The following FAAH2 variants were observed in gnomAD, a reference collection of about 807,000 sequenced individuals.
FAAH2 encodes the protein fatty-acid amide hydrolase 2.
Under a neutral mutation model 36.9 loss-of-function variants are expected in FAAH2, and 60 were observed. That is an observed-to-expected ratio of 1.63 (90% CI 1.32 to 2.02). The LOEUF is 2.02. Among genes scored for constraint, FAAH2 ranks in the 30% most tolerant of loss-of-function variants. The probability of loss-of-function intolerance (pLI) is 0.00; values close to 1 mark genes in which losing one functional copy is unlikely to be tolerated. For synonymous variants in FAAH2, 214 were observed against 143.8 expected (o/e 1.49, Z -3.49); for missense variants, 689 against 397.5 (o/e 1.73, Z -6.23).
intron 7 of FAAH2, among the ~76,000 whole-genome samples, chrX:57,403,908 C>T (rs1468321051): frequency 1.8e-5 from 2 of 112,768 alleles, no homozygotes; most frequent in African/African-American, 3.2e-5. Flanking sequence ...CTTTCTCTAA[C>T]AGAATAGCCC....
At chrX:57,175,668 G>C in the FAAH2 span, among the ~76,000 whole-genome samples, 1 of 111,146 alleles carries the variant, frequency 9.0e-6, no homozygotes, top group Non-Finnish European at 1.9e-5. Flanking sequence ...TAGGCCCTGT[G>C]AGTTTTATAT....
intron 5 of FAAH2, among the ~76,000 whole-genome samples, chrX:57,353,476 C>A: frequency 1.5e-5 from 1 of 68,733 alleles, no homozygotes; most frequent in African/African-American, 5.4e-5. Flanking sequence ...AAACAGAAGA[C>A]CCCAAATTAT....
the FAAH2 span, among the ~76,000 whole-genome samples, chrX:57,238,792 C>T: frequency 1.3e-4 from 15 of 111,272 alleles, no homozygotes; most frequent in African/African-American, 4.6e-4. Context: ...TCCTCATCCT[C>T]CTTCCACCCC....
the FAAH2 span, among the ~76,000 whole-genome samples, chrX:57,171,819 G>A: frequency 8.9e-6 from 1 of 111,777 alleles, no homozygotes; most frequent in African/African-American, 3.3e-5. Flanking sequence ...TGAGGTCTTA[G>A]TCATAATATT....
the FAAH2 span, among the ~76,000 whole-genome samples, chrX:57,177,195 A>C: frequency 1.2e-4 from 13 of 110,190 alleles, no homozygotes; most frequent in Admixed American, 1.3e-3. Context: ...AAATGCGCTG[A>C]TATCTTTTCA....
chrX:57,181,424 T>G, the FAAH2 span, among the ~76,000 whole-genome samples: 3 of 111,067 alleles, frequency 2.7e-5, no homozygotes, highest in African/African-American at 9.8e-5. Context: ...AAAATCGCTA[T>G]CGTTTTAATA....
At chrX:57,480,933 T>C (rs1264909748) in intron 10 of FAAH2, among the ~76,000 whole-genome samples, 1 of 110,216 alleles carries the variant, frequency 9.1e-6, no homozygotes, top group Non-Finnish European at 1.9e-5. Flanking sequence ...CTTTGTTTTT[T>C]TTTCCTTTTC....
chrX:57,471,545 G>C (rs1248152145), intron 10 of FAAH2, among the ~76,000 whole-genome samples: 1 of 111,472 alleles, frequency 9.0e-6, no homozygotes, highest in African/African-American at 3.3e-5. Flanking sequence ...GGGATGTGAA[G>C]GACCTCTTCA....
chrX:57,325,430 G>C (rs1463309139), intron 3 of FAAH2, among the ~76,000 whole-genome samples: 1 of 111,505 alleles, frequency 9.0e-6, no homozygotes, highest in Non-Finnish European at 1.9e-5. Context: ...GCTCCTTCTT[G>C]TACCTCTGGT....
intron 4 of FAAH2, among the ~76,000 whole-genome samples, chrX:57,340,214 T>C (rs2053653465): frequency 8.9e-6 from 1 of 111,797 alleles, no homozygotes; most frequent in Admixed American, 9.5e-5. Flanking sequence ...GGAGGAAAGA[T>C]GAATGCTGGA....
chrX:57,237,040 A>G, the FAAH2 span, among the ~76,000 whole-genome samples: 2 of 111,845 alleles, frequency 1.8e-5, no homozygotes. Context: ...GTATGCAGTT[A>G]AAGATAAGGG....
chrX:57,144,978 A>G, the FAAH2 span, among the ~76,000 whole-genome samples: 8 of 111,284 alleles, frequency 7.2e-5, no homozygotes, highest in Admixed American at 1.9e-4. Flanking sequence ...TGATTGATGA[A>G]CATTTGGGCT....
intron 1 of FAAH2, among the ~76,000 whole-genome samples, chrX:57,287,311 C>A (rs1342529423): frequency 9.0e-6 from 1 of 111,376 alleles, no homozygotes; most frequent in African/African-American, 3.3e-5. Context: ...GAATTTCAAA[C>A]TGATTCTCAG....
chrX:57,222,762 C>T, the FAAH2 span, among the ~76,000 whole-genome samples: 2 of 111,844 alleles, frequency 1.8e-5, no homozygotes, highest in East Asian at 5.6e-4. Flanking sequence ...GCCCAAGACC[C>T]TACACACTTC....
At chrX:57,143,664 CAG>C in the FAAH2 span, among the ~76,000 whole-genome samples, 16 of 109,987 alleles carry the variant, frequency 1.5e-4, no homozygotes, top group African/African-American at 5.0e-4. Flanking sequence ...TTTTGGTAGA[CAG>C]GGGGTTTCTC....
intron 7 of FAAH2, among the ~76,000 whole-genome samples, chrX:57,413,585 T>G (rs1313226321): frequency 8.9e-6 from 1 of 111,964 alleles, no homozygotes; most frequent in Admixed American, 9.5e-5. Context: ...TATATGTCTG[T>G]TTTGGTACCA....
chrX:57,222,804 C>A, the FAAH2 span, among the ~76,000 whole-genome samples: 1 of 111,535 alleles, frequency 9.0e-6, no homozygotes. Context: ...TTCCTTATAC[C>A]TTTTCCAAAC....
intron 2 of FAAH2, among the ~76,000 whole-genome samples, chrX:57,295,463 C>T (rs977053842): frequency 1.8e-5 from 2 of 111,829 alleles, no homozygotes; most frequent in Non-Finnish European, 3.8e-5. Context: ...CAGAAAGTGG[C>T]ATATAGAGGG....
At chrX:57,245,214 G>A in the FAAH2 span, among the ~76,000 whole-genome samples, 3 of 111,940 alleles carry the variant, frequency 2.7e-5, no homozygotes, top group East Asian at 5.6e-4. Flanking sequence ...CAATACAGGA[G>A]CAACCAGATT....
Sources: allele counts gnomAD v4.1 joint callset (sites outside exome capture counted in the v4.1 genomes callset), GRCh38; gene constraint gnomAD v4.1.1; transcripts MANE v1.5; gene names NCBI Gene and HGNC (gene_info 2026-07-23, HGNC 2026-07-21).